The following AP1B1 variants were observed in gnomAD, a reference collection of about 807,000 sequenced individuals.
The protein encoded by AP1B1 is AP-1 complex subunit beta-1.
In AP1B1, 36 loss-of-function variants were observed where a neutral mutation model predicts 104.3. The observed-to-expected ratio is 0.35, with a 90% CI of 0.26 to 0.46. AP1B1 has a LOEUF of 0.46. Ranked by LOEUF, AP1B1 falls within the 20% of genes least tolerant of loss-of-function variation. The pLI, the probability that AP1B1 is intolerant of heterozygous loss-of-function variation, is 1.00. For synonymous variants in AP1B1, 504 were observed against 517.5 expected, an observed-to-expected ratio of 0.97 and a Z score of 0.35; for missense variants, 901 against 1,247.9, an observed-to-expected ratio of 0.72 and a Z score of 4.19.
chr22:29,340,974 C>T lies in AP1B1; in HGVS notation c.1797-117G>A, dbSNP rs560684107. 55 of 1,034,690 alleles carry T rather than the reference C, an allele frequency of 5.3e-5. No homozygotes were observed. The East Asian group carries it at 7.3e-4, about 14-fold the overall frequency. 64.1% of individuals were successfully genotyped at this position (1,034,690 alleles called of 1,614,324 possible). A position where few individuals can be genotyped will look rare whatever the true frequency, so the allele number is the denominator to read the frequency against. On this transcript the variant is annotated intron_variant, in intron 13 of 22. Transcript: ENST00000357586. ...AGGCACTGAGTCTCCTCACTGTCCC[C>T]GACAGGGCTGTCCACACGGCCCCAC...
At position 29,331,850 on chromosome 22, in the gene AP1B1, C is replaced by T. The variant is rs1395241752; in HGVS notation, c.2376G>A (p.Glu792=). 1 of 1,613,966 alleles carries T rather than the reference C, an allele frequency of 6.2e-7. No individual in the cohort carries two copies. Among genetic ancestry groups the T allele is most frequent in the East Asian group, 2.2e-5 (1 of 44,886 alleles). ...HAPLSPNQTV[E]ISLPLSTVGS... ...CCACCGTGCTGAGAGGCAGGGAGAT[C>T]TCCACTGTCTGGTTGGGGCTGAGTG... Residue 792 remains glutamate (E), a synonymous_variant, in exon 18 of 23, where the codon GAG becomes GAA. Transcript: ENST00000357586.
intron 11 of AP1B1, among the ~76,000 whole-genome samples, chr22:29,345,578 C>T (rs1006887616): frequency 6.6e-6 from 1 of 151,458 alleles, no homozygotes; most frequent in Non-Finnish European, 1.5e-5. Flanking sequence ...CTATGTTGCC[C>T]AGGTTGGTCT....
chr22:29,374,920 G>T (rs572677488), intron 1 of AP1B1, among the ~76,000 whole-genome samples: 1 of 152,360 alleles, frequency 6.6e-6, no homozygotes, highest in South Asian at 2.1e-4. Flanking sequence ...CTACTCAGGA[G>T]GCTGAGTGGT....
intron 3 of AP1B1, among the ~76,000 whole-genome samples, chr22:29,360,560 T>C (rs1057499228): frequency 6.6e-6 from 1 of 152,214 alleles, no homozygotes; most frequent in African/African-American, 2.4e-5. Context: ...CAGCACAGCA[T>C]GCATGGAGCA....
At chr22:29,360,127 C>G (rs537983140) in intron 3 of AP1B1, among the ~76,000 whole-genome samples, 168 bp from the exon 4 acceptor site, 1 of 152,290 alleles carries the variant, frequency 6.6e-6, no homozygotes, top group South Asian at 2.1e-4. Flanking sequence ...ACAATCAACA[C>G]CTATTGATAG....
rs1051528371 is a variant in AP1B1 at position 29,329,982 on chromosome 22, C to T, written c.2767-262G>A. On this transcript the variant is annotated intron_variant, in intron 21 of 22. Transcript: ENST00000357586. ...GTGCCCCAGGGAAGCCATTCTCTAACAGGTCTACCTCAAAGGCTGGGAGGT... is the reference window on the plus strand; with the variant it reads ...GTGCCCCAGGGAAGCCATTCTCTAATAGGTCTACCTCAAAGGCTGGGAGGT... The T allele has an allele frequency of 2.8e-6, 4 of 1,415,392 alleles. No individual in the cohort carries two copies. The Admixed American group carries it at 9.0e-5, about 32-fold the overall frequency. 87.7% of individuals were successfully genotyped at this position (1,415,392 alleles called of 1,614,324 possible).
At chr22:29,369,500 TG>T (rs1156930179) in intron 1 of AP1B1, among the ~76,000 whole-genome samples, 4 of 152,270 alleles carry the variant, frequency 2.6e-5, no homozygotes, top group Admixed American at 2.6e-4. Flanking sequence ...CACTTTTCTA[TG>T]GGAGCTGCAG....
chr22:29,329,847 G>C, intron 21 of AP1B1, 127 bp from the exon 22 acceptor site: 1 of 1,525,554 alleles, frequency 6.6e-7, no homozygotes, highest in Non-Finnish European at 8.8e-7. Flanking sequence ...CCCAGGAGGG[G>C]CAGTGTCTGG....
chr22:29,346,263 C>T (rs1047140335), intron 11 of AP1B1, among the ~76,000 whole-genome samples: 2 of 152,224 alleles, frequency 1.3e-5, no homozygotes, highest in African/African-American at 4.8e-5. Flanking sequence ...TTCTCTCATT[C>T]TAGCTTTTTA....
At chr22:29,363,914 G>A (rs2062091896) in intron 2 of AP1B1, among the ~76,000 whole-genome samples, 1 of 151,966 alleles carries the variant, frequency 6.6e-6, no homozygotes, top group African/African-American at 2.4e-5. Flanking sequence ...AAAGTTTAGA[G>A]GCCACTCTGG....
At chr22:29,367,642 C>T (rs951828615) in intron 1 of AP1B1, among the ~76,000 whole-genome samples, 4 of 151,780 alleles carry the variant, frequency 2.6e-5, no homozygotes, top group African/African-American at 7.3e-5. Context: ...ATCTTTCCCA[C>T]AAAAATATCT....
At chr22:29,385,979 T>G (rs1024221224) in intron 1 of AP1B1, among the ~76,000 whole-genome samples, 45 of 152,058 alleles carry the variant, frequency 3.0e-4, no homozygotes, top group African/African-American at 1.1e-3. Flanking sequence ...TTTTAGGAAG[T>G]GAAACAAGAA....
chr22:29,350,170 T>G lies in AP1B1; in HGVS notation c.1156-20A>C. Reference sequence around the variant, plus strand: ...AGATTGCTGCATGGGAAGAGAAGAGTGTGGGCGAGGTCCCCGCACCCCATT... The same window carrying G: ...AGATTGCTGCATGGGAAGAGAAGAGGGTGGGCGAGGTCCCCGCACCCCATT... On this transcript the variant is annotated intron_variant, in intron 9 of 22. Transcript: ENST00000357586. The G allele has an allele frequency of 6.2e-7, 1 of 1,606,774 alleles. No individual in the cohort carries two copies.
intron 1 of AP1B1, among the ~76,000 whole-genome samples, chr22:29,381,703 C>A (rs2062439480): frequency 1.3e-5 from 2 of 152,166 alleles, no homozygotes; most frequent in African/African-American, 4.8e-5. Context: ...CAGGTGGCAA[C>A]ATCTCCAGTG....
At chr22:29,356,297 T>C (rs1398698474) in intron 6 of AP1B1, 129 bp downstream of exon 6, 1 of 977,326 alleles carries the variant, frequency 1.0e-6, no homozygotes, top group African/African-American at 1.6e-5. Flanking sequence ...TTTAGGTGTG[T>C]CTGAGGGTGG....
intron 11 of AP1B1, among the ~76,000 whole-genome samples, chr22:29,346,796 G>GC (rs1318507632): frequency 6.6e-6 from 1 of 151,796 alleles, no homozygotes; most frequent in Non-Finnish European, 1.5e-5. Context: ...GGTGGCAGTG[G>GC]GGGGGGGTGA....
chr22:29,364,177 C>T (rs2062095574), intron 2 of AP1B1, among the ~76,000 whole-genome samples: 1 of 152,184 alleles, frequency 6.6e-6, no homozygotes, highest in Non-Finnish European at 1.5e-5. Flanking sequence ...CCTCAAACCT[C>T]TAATTAAAAC....
rs761879412 is a variant in AP1B1, at chr22:29,339,782, C to G, written c.1999-8G>C. 3.1e-6 allele frequency: 5 copies of G among 1,606,306 alleles called. No individual in the cohort carries two copies. The South Asian group carries it at 5.6e-5, about 18-fold the overall frequency. On this transcript the variant is annotated splice_region_variant and splice_polypyrimidine_tract_variant and intron_variant, in intron 14 of 22. Transcript: ENST00000357586. ...TTCAGGCTCATCCCCCATCTCCAAG[C>G]AGAAGCAGGCAGGTGAAGAGAACAG...
At chr22:29,368,880 CTG>C (rs1404227131) in intron 1 of AP1B1, among the ~76,000 whole-genome samples, 1 of 151,986 alleles carries the variant, frequency 6.6e-6, no homozygotes, top group Non-Finnish European at 1.5e-5. Flanking sequence ...TGAGCTGAGA[CTG>C]TGCCACAGCA....
Sources: gnomAD v4.1 joint callset for allele counts (sites outside exome capture counted in the v4.1 genomes callset) on GRCh38, gnomAD v4.1.1 for gene constraint, MANE v1.5 for transcripts, NCBI Gene and HGNC (gene_info 2026-07-23, HGNC 2026-07-21) for gene names.